NSUN7: variants seen among roughly 807,000 people sequenced by gnomAD.
NSUN7 encodes the protein protein NSUN7.
A neutral mutation model predicts 58.5 loss-of-function variants in NSUN7; 39 were observed. That is an observed-to-expected ratio of 0.67 (90% confidence interval 0.52 to 0.87). The LOEUF is 0.87. Ranked by LOEUF, NSUN7 falls within the 40% of genes least tolerant of loss-of-function variation. The pLI, the probability that NSUN7 is intolerant of heterozygous loss-of-function variation, is 0.00. For missense variants in NSUN7, 765 were observed against 844.1 expected (o/e 0.91, Z 1.16); for synonymous variants, 278 against 303.7 (o/e 0.92, Z 0.88).
intron 2 of NSUN7, among the ~76,000 whole-genome samples, chr4:40,752,841 CTTT>C (rs1275930603): frequency 1.2e-4 from 1 of 8,230 alleles, no homozygotes; most frequent in Non-Finnish European, 2.6e-4. Flanking sequence ...TTTTTTGTTT[CTTT>C]GTTTTCTCCT....
At chr4:40,755,620 A>T (rs1479642182) in intron 2 of NSUN7, among the ~76,000 whole-genome samples, 2 of 152,216 alleles carry the variant, frequency 1.3e-5, no homozygotes, top group African/African-American at 4.8e-5. Flanking sequence ...AGTGAGAAAC[A>T]GTAAATGCTT....
At chr4:40,803,695 A>C (rs1743700588) in intron 10 of NSUN7, among the ~76,000 whole-genome samples, 1 of 152,234 alleles carries the variant, frequency 6.6e-6, no homozygotes, top group Admixed American at 6.5e-5. Context: ...TTAAAATATT[A>C]ATACATTCAC....
intron 2 of NSUN7, among the ~76,000 whole-genome samples, chr4:40,755,931 A>G (rs1267467669): frequency 1.3e-5 from 2 of 152,202 alleles, no homozygotes; most frequent in Admixed American, 1.3e-4. Context: ...AGCATTGTCA[A>G]CTAGGGAAGT....
intron 4 of NSUN7, among the ~76,000 whole-genome samples, chr4:40,770,995 A>G (rs1204535518): frequency 1.3e-5 from 2 of 152,112 alleles, no homozygotes; most frequent in Admixed American, 1.3e-4. Flanking sequence ...AGGTTGCAGT[A>G]AGCCGAGATT....
At position 40,808,334 on chromosome 4, in the gene NSUN7, A is replaced by G; in HGVS notation, c.1552A>G (p.Asn518Asp). 6.2e-7 allele frequency: 1 copy of G among 1,613,738 alleles called. No individual in the cohort carries two copies. Among genetic ancestry groups the G allele is most frequent in the Middle Eastern group, 1.6e-4 (1 of 6,062 alleles). The change falls in exon 12 of 12, where the codon AAT becomes GAT. Residue 518 changes from asparagine (N) to aspartate (D), a missense_variant. Coordinates refer to ENST00000381782, the MANE Select transcript of NSUN7 (RefSeq NM_024677.6). The stretch of plus-strand genomic sequence containing the variant: ...GGACCCTTCTGAGACAGTGTCTGTG[A>G]ATGATGTTTTGGCCCGAGCTGCAGC... ...ERDPSETVSVNDVLARAAAKG... is the reference protein window; with the variant it reads ...ERDPSETVSVDDVLARAAAKG...
intron 10 of NSUN7, among the ~76,000 whole-genome samples, chr4:40,805,709 G>A (rs1354881918): frequency 6.6e-6 from 1 of 152,170 alleles, no homozygotes; most frequent in East Asian, 1.9e-4. Context: ...CCAAGGCATT[G>A]GCAAGGTGCT....
Position 40,776,036 on chromosome 4 carries a change from C to T in NSUN7, c.826-13C>T, listed in dbSNP as rs569415547. ...ATACCCTTTGAAATTCTAATCATAC[C>T]ATTATCTTACAGGACAAATCTCGAA... On this transcript the variant is annotated splice_polypyrimidine_tract_variant and intron_variant, in intron 6 of 11. Coordinates refer to ENST00000381782, the MANE Select transcript of NSUN7 (RefSeq NM_024677.6). The T allele has an allele frequency of 2.0e-6, 3 of 1,525,930 alleles. No homozygotes were observed. The highest frequency in any genetic ancestry group is 2.4e-5 in the South Asian group (2 of 84,898). The allele number at this position is 1,525,930 out of a possible 1,614,324, so 94.5% of individuals were successfully genotyped here.
chr4:40,771,006 G>T (rs528190743), intron 4 of NSUN7, among the ~76,000 whole-genome samples: 71 of 152,238 alleles, frequency 4.7e-4, no homozygotes, highest in Admixed American at 1.0e-3. Context: ...AGCCGAGATT[G>T]CACCACTGCA....
At chr4:40,806,782 A>T (rs766289874) in intron 10 of NSUN7, among the ~76,000 whole-genome samples, 4 of 152,174 alleles carry the variant, frequency 2.6e-5, no homozygotes, top group Non-Finnish European at 5.9e-5. Context: ...GACTTTGGGA[A>T]GGTCAGTTTT....
At chr4:40,773,006 G>A (rs779752534) in intron 4 of NSUN7, 3 of 152,160 alleles carry the variant, frequency 2.0e-5, no homozygotes, top group Admixed American at 6.6e-5. Context: ...GAGCCATCAT[G>A]GTGATGCTAA....
At chr4:40,771,087 A>G (rs1223782476) in intron 4 of NSUN7, among the ~76,000 whole-genome samples, 2 of 152,156 alleles carry the variant, frequency 1.3e-5, no homozygotes, top group East Asian at 1.9e-4. Flanking sequence ...AAAATGGCAT[A>G]TTAGTTAAGA....
At chr4:40,764,221 T>TC (rs1467044785) in intron 4 of NSUN7, among the ~76,000 whole-genome samples, 2 of 98,086 alleles carry the variant, frequency 2.0e-5, no homozygotes, top group Admixed American at 1.3e-4. Context: ...ATGCTATCCC[T>TC]CCCCCCTCCC....
chr4:40,774,139 C>A, intron 4 of NSUN7, 126 bp from the exon 5 acceptor site: 1 of 895,780 alleles, frequency 1.1e-6, no homozygotes, highest in South Asian at 1.5e-5. Flanking sequence ...TTATTTTAGA[C>A]TTCAAAAATT....
At chr4:40,792,473 C>A (rs188665180) in intron 8 of NSUN7, among the ~76,000 whole-genome samples, 6 of 152,174 alleles carry the variant, frequency 3.9e-5, no homozygotes, top group Admixed American at 3.3e-4. Context: ...GTATACTGGC[C>A]GGGAGCGGTG....
intron 5 of NSUN7, 55 bp from the exon 6 acceptor site, chr4:40,774,712 G>T: frequency 1.8e-6 from 2 of 1,103,612 alleles, no homozygotes; most frequent in East Asian, 4.9e-5. Flanking sequence ...TTAGTGTTAA[G>T]GACGTTTTTA....
chr4:40,792,444 G>A (rs1341291143), intron 8 of NSUN7, among the ~76,000 whole-genome samples: 1 of 152,138 alleles, frequency 6.6e-6, no homozygotes, highest in East Asian at 1.9e-4. Context: ...GAGATGATAG[G>A]ATAAGCTAAG....
intron 11 of NSUN7, among the ~76,000 whole-genome samples, chr4:40,807,572 A>G (rs2154289640): frequency 1.3e-5 from 2 of 151,062 alleles, no homozygotes; most frequent in South Asian, 2.1e-4. Context: ...CTGGTCTTGA[A>G]CTCGACTTCA....
rs761448412 is a variant in NSUN7 at position 40,799,073 on chromosome 4, C to CTT, written c.1400+197_1400+198dup. On this transcript the variant is annotated intron_variant, in intron 10 of 11. Transcript: ENST00000381782. ...AACCAAGATTCCATAGGGCCTTTTT[C>CTT]TTTTTTTTTTTTTTTTTTTTTTTTT... Among the ~76,000 whole-genome samples, 33 of 76,242 alleles carry CTT rather than the reference C, an allele frequency of 4.3e-4. 6 individuals carry two copies. Among genetic ancestry groups the CTT allele is most frequent in the South Asian group, 1.4e-3 (3 of 2,216 alleles). 50.0% of individuals were successfully genotyped at this position (76,242 alleles called of 152,430 possible). A position where few individuals can be genotyped will look rare whatever the true frequency, so the allele number is the denominator to read the frequency against.
chr4:40,750,521 CT>C, intron 1 of NSUN7, 81 bp from the exon 2 acceptor site: 1 of 612,940 alleles, frequency 1.6e-6, no homozygotes, highest in Non-Finnish European at 2.7e-6. Context: ...CCCTCTTAGT[CT>C]TTAAGGCCAC....
Sources: allele counts gnomAD v4.1 joint callset (sites outside exome capture counted in the v4.1 genomes callset), GRCh38; gene constraint gnomAD v4.1.1; transcripts MANE v1.5; gene names NCBI Gene and HGNC (gene_info 2026-07-23, HGNC 2026-07-21).